HMCN1: variants seen among roughly 807,000 people sequenced by gnomAD.
HMCN1 encodes hemicentin-1.
A neutral mutation model predicts 625.9 loss-of-function variants in HMCN1; 321 were observed. That is an observed-to-expected ratio of 0.51 (90% CI 0.47 to 0.56). The LOEUF (loss-of-function observed/expected upper bound fraction) is 0.56, where lower values mean the gene tolerates loss of function less well. Among genes scored for constraint, HMCN1 ranks in the 20% least tolerant of loss-of-function variants. HMCN1 has a pLI of 0.00. For synonymous variants in HMCN1, 2,425 were observed against 2,417.6 expected, an observed-to-expected ratio of 1.00 and a Z score of -0.09; for missense variants, 6,588 against 6,887.3, an observed-to-expected ratio of 0.96 and a Z score of 1.54.
chr1:186,152,742 A>C lies in HMCN1; in HGVS notation c.14897-8A>C. 5 of 1,613,758 alleles carry C rather than the reference A, an allele frequency of 3.1e-6. No individual in the cohort carries two copies. Among genetic ancestry groups the C allele is most frequent in the Non-Finnish European group, 4.2e-6 (5 of 1,179,680 alleles). ...TTGCTGTCAAAATGAATGTCTTGTA[A>C]TTCCCAGGAGAAATCTTGCAGATGA... On this transcript the variant is annotated splice_polypyrimidine_tract_variant and splice_region_variant and intron_variant, in intron 95 of 106. Coordinates refer to ENST00000271588, the MANE Select transcript of HMCN1 (RefSeq NM_031935.3).
At chr1:186,018,414 C>A in intron 34 of HMCN1, 62 bp downstream of exon 34, 2 of 1,411,198 alleles carry the variant, frequency 1.4e-6, no homozygotes, top group Admixed American at 3.4e-5. Context: ...GTTTTATTAT[C>A]TAACTCAGAT....
chr1:186,074,179 A>G (rs1053381321), intron 52 of HMCN1, among the ~76,000 whole-genome samples: 27 of 152,090 alleles, frequency 1.8e-4, no homozygotes, highest in Admixed American at 1.3e-3. Flanking sequence ...ATAAAACACC[A>G]TAATACGAAT....
intron 24 of HMCN1, among the ~76,000 whole-genome samples, chr1:185,996,288 G>T (rs1652784107): frequency 6.6e-6 from 1 of 152,062 alleles, no homozygotes; most frequent in Non-Finnish European, 1.5e-5. Context: ...AAGATAATGT[G>T]GAGAGAACTT....
chr1:185,782,159 G>A (rs1206783628), intron 1 of HMCN1, among the ~76,000 whole-genome samples: 1 of 152,160 alleles, frequency 6.6e-6, no homozygotes, highest in South Asian at 2.1e-4. Context: ...TCAGAGACTA[G>A]GATTGCAACC....
At chr1:185,781,279 T>A (rs1657078713) in intron 1 of HMCN1, among the ~76,000 whole-genome samples, 1 of 152,244 alleles carries the variant, frequency 6.6e-6, no homozygotes, top group South Asian at 2.1e-4. Flanking sequence ...ATCAGTTTTG[T>A]TGATCCTTTC....
chr1:186,108,279 A>G (rs1382840850), intron 70 of HMCN1, among the ~76,000 whole-genome samples, 182 bp from the exon 71 acceptor site: 1 of 152,064 alleles, frequency 6.6e-6, no homozygotes, highest in Non-Finnish European at 1.5e-5. Context: ...CTTAGTGTAC[A>G]TGAAATTGCT....
intron 106 of HMCN1, 116 bp from the exon 107 acceptor site, chr1:186,189,396 G>A: frequency 9.2e-7 from 1 of 1,084,226 alleles, no homozygotes; most frequent in Admixed American, 1.7e-5. Context: ...CGCTTTTACA[G>A]CCAGGCTGCC....
At position 186,189,808 on chromosome 1, in the gene HMCN1, G is replaced by A; in HGVS notation, c.16838G>A (p.Ser5613Asn). ...YRMRVRASSY[S>N]ANGTIEYQTT... ...ATGAGGGTCCGAGCCTCATCCTACA[G>A]TGCCAATGGGACCATTGAATATCAG... is the stretch of plus-strand genomic sequence containing the variant. Residue 5613 changes from serine to asparagine, a missense_variant, in exon 107 of 107, where the codon AGT (serine) becomes AAT (asparagine). Ser to Asn is a conservative substitution (Grantham distance 46, BLOSUM62 1). Coordinates refer to ENST00000271588, the MANE Select transcript of HMCN1 (RefSeq NM_031935.3). 1 of 1,613,796 alleles carries A rather than the reference G, an allele frequency of 6.2e-7. No individual in the cohort carries two copies. The highest frequency in any genetic ancestry group is 8.5e-7 in the Non-Finnish European group (1 of 1,179,854).
intron 97 of HMCN1, among the ~76,000 whole-genome samples, 185 bp from the exon 98 acceptor site, chr1:186,164,924 CTG>C (rs1651783001): frequency 1.3e-5 from 2 of 152,190 alleles, no homozygotes; most frequent in Non-Finnish European, 2.9e-5. Context: ...AATCTCTGGA[CTG>C]TGATTCATGT....
intron 16 of HMCN1, chr1:185,978,275 G>T: frequency 3.4e-6 from 1 of 296,518 alleles, no homozygotes; most frequent in Non-Finnish European, 6.4e-6. Context: ...CCTTTACATA[G>T]ATAAGTGGTC....
At chr1:185,938,704 C>T (rs1453763542) in intron 11 of HMCN1, among the ~76,000 whole-genome samples, 1 of 151,902 alleles carries the variant, frequency 6.6e-6, no homozygotes, top group Non-Finnish European at 1.5e-5. Flanking sequence ...TCCCAGTGGC[C>T]CTTCACCATC....
chr1:185,871,281 G>A (rs906039804), intron 4 of HMCN1, among the ~76,000 whole-genome samples: 1 of 150,994 alleles, frequency 6.6e-6, no homozygotes, highest in Non-Finnish European at 1.5e-5. Context: ...AGATGGAAAT[G>A]ATTATTAGAA....
intron 68 of HMCN1, among the ~76,000 whole-genome samples, chr1:186,101,587 T>C (rs1455500961): frequency 6.6e-6 from 1 of 152,046 alleles, no homozygotes; most frequent in African/African-American, 2.4e-5. Context: ...GTACAAGACA[T>C]ATGGACAAAA....
intron 35 of HMCN1, among the ~76,000 whole-genome samples, chr1:186,021,697 G>A (rs888228878): frequency 3.3e-5 from 5 of 152,020 alleles, no homozygotes; most frequent in Non-Finnish European, 7.4e-5. Flanking sequence ...GATCATTTGG[G>A]GTCAGAATGT....
Position 186,007,233 on chromosome 1 carries a change from G to A in HMCN1, c.4581G>A (p.Val1527=). 1 of 1,613,740 alleles carries A rather than the reference G, an allele frequency of 6.2e-7. No homozygotes were observed. Among genetic ancestry groups the A allele is most frequent in the Non-Finnish European group, 8.5e-7 (1 of 1,179,742 alleles). Reference sequence around the variant, plus strand: ...ACAAGGGGCGCTACCAATGTACTGTGTCTAATGCAGCTGGCAAACAAGCCA... The same window carrying A: ...ACAAGGGGCGCTACCAATGTACTGTATCTAATGCAGCTGGCAAACAAGCCA... ...RNDKGRYQCT[V]SNAAGKQAKD... Residue 1527 remains valine, a synonymous_variant, in exon 30 of 107, where the codon GTG becomes GTA. Coordinates refer to ENST00000271588, the MANE Select transcript of HMCN1 (RefSeq NM_031935.3).
At chr1:186,165,252 C>G (rs891280785) in intron 98 of HMCN1, 79 bp downstream of exon 98, 7 of 1,159,908 alleles carry the variant, frequency 6.0e-6, no homozygotes, top group Non-Finnish European at 9.1e-6. Flanking sequence ...TATCTATTGC[C>G]CTTTCACTAG....
chr1:186,096,437 C>T (rs1439659713), intron 68 of HMCN1, among the ~76,000 whole-genome samples: 2 of 151,998 alleles, frequency 1.3e-5, no homozygotes, highest in Non-Finnish European at 2.9e-5. Flanking sequence ...TAAACTGAAC[C>T]GAACTAGTTA....
Position 186,001,735 on chromosome 1 carries a change from G to A in HMCN1, c.4342G>A (p.Val1448Met), listed in dbSNP as rs1247545766. Residue 1448 changes from valine to methionine, a missense_variant, in exon 28 of 107, where the codon GTG (valine) becomes ATG (methionine). By Grantham distance (21) the Val-to-Met change is conservative (BLOSUM62 1). This residue lies in a region of HMCN1 where 4,628 missense variants were observed against 4,853.1 expected (regional missense o/e 0.95). Coordinates refer to ENST00000271588, the MANE Select transcript of HMCN1 (RefSeq NM_031935.3). ...TTCTCAGAAGTACTTTAACATTGAT[G>A]TGCTAGGTAAGAAATACATCCTTTT... ...GTSQKYFNID[V>M]LVPPTIIGTN... 2.5e-6 allele frequency: 4 copies of A among 1,611,742 alleles called. No individual in the cohort carries two copies. Among genetic ancestry groups the A allele is most frequent in the East Asian group, 2.2e-5 (1 of 44,778 alleles).
chr1:185,913,261 G>T (rs893576587), intron 6 of HMCN1, among the ~76,000 whole-genome samples: 2 of 151,982 alleles, frequency 1.3e-5, no homozygotes, highest in African/African-American at 4.8e-5. Flanking sequence ...CTTCCTGCCT[G>T]TTTTTTTTCC....
Sources: gnomAD v4.1 joint callset for allele counts (sites outside exome capture counted in the v4.1 genomes callset) on GRCh38, gnomAD v4.1.1 for gene constraint, gnomAD v4.1.1 regional missense constraint, MANE v1.5 for transcripts, NCBI Gene and HGNC (gene_info 2026-07-23, HGNC 2026-07-21) for gene names.